The following RAB9B variants were observed in gnomAD, a reference collection of about 807,000 sequenced individuals.
The protein encoded by RAB9B is ras-related protein Rab-9B.
A neutral mutation model predicts 8.9 loss-of-function variants in RAB9B; 1 was observed. That is an observed-to-expected ratio of 0.11 (90% CI 0.04 to 0.53). The LOEUF is 0.53. Ranked by LOEUF, RAB9B falls within the 20% of genes least tolerant of loss-of-function variation. The pLI, the probability that RAB9B is intolerant of heterozygous loss-of-function variation, is 0.93. For synonymous variants in RAB9B, 63 were observed against 57.0 expected, an observed-to-expected ratio of 1.10 and a Z score of -0.47; for missense variants, 82 against 152.9, an observed-to-expected ratio of 0.54 and a Z score of 2.45.
chrX:103,820,641 C>A (rs771351551), downstream of RAB9B, among the ~76,000 whole-genome samples: 183 of 111,061 alleles, frequency 1.6e-3, no homozygotes, highest in Non-Finnish European at 2.7e-3. Flanking sequence ...AGGAAGTTGG[C>A]ATTCTGTTTT....
chrX:103,782,104 A>G, the RAB9B span, among the ~76,000 whole-genome samples: 1,100 of 112,624 alleles, frequency 9.8e-3, 11 homozygotes, highest in African/African-American at 0.033. Context: ...TTTCTCAGTT[A>G]GAATCTAAAA....
At chrX:103,815,624 GA>G in the RAB9B span, among the ~76,000 whole-genome samples, 2 of 112,038 alleles carry the variant, frequency 1.8e-5, no homozygotes, top group African/African-American at 6.5e-5. Context: ...ATTCAAATAG[GA>G]AGAGAGGAAG....
At chrX:103,776,652 G>A in the RAB9B span, 2 of 261,697 alleles carry the variant, frequency 7.6e-6, no homozygotes, top group South Asian at 2.3e-4. Flanking sequence ...TTCCAGGCAA[G>A]CCTTAGGGAA....
At chrX:103,787,247 A>G in the RAB9B span, among the ~76,000 whole-genome samples, 1 of 112,044 alleles carries the variant, frequency 8.9e-6, no homozygotes, top group African/African-American at 3.3e-5. Flanking sequence ...CCTGAGGGTT[A>G]TCCATGCTTT....
the RAB9B span, chrX:103,786,620 C>T: frequency 8.3e-6 from 10 of 1,211,204 alleles, no homozygotes; most frequent in Non-Finnish European, 1.0e-5. Context: ...CTGAGCGCAA[C>T]GGTAACAGGG....
the RAB9B span, among the ~76,000 whole-genome samples, chrX:103,799,562 G>A: frequency 8.9e-6 from 1 of 111,751 alleles, no homozygotes; most frequent in Non-Finnish European, 1.9e-5. Context: ...TTTTGAGGGT[G>A]GAAATCTCTT....
At chrX:103,790,691 A>G in the RAB9B span, 2 of 657,916 alleles carry the variant, frequency 3.0e-6, no homozygotes, top group Non-Finnish European at 2.6e-6. Flanking sequence ...TGCCTTTGCC[A>G]CCAACTGGCC....
the RAB9B span, among the ~76,000 whole-genome samples, chrX:103,801,374 T>G: frequency 9.0e-6 from 1 of 110,976 alleles, no homozygotes; most frequent in Non-Finnish European, 1.9e-5. Flanking sequence ...TCCTGCCAAG[T>G]GGTGACAGGC....
the RAB9B span, among the ~76,000 whole-genome samples, chrX:103,816,029 C>G: frequency 2.7e-5 from 3 of 111,768 alleles, no homozygotes; most frequent in Non-Finnish European, 1.9e-5. Flanking sequence ...AGATTCGATG[C>G]TATCCCCATC....
intron 1 of RAB9B, 71 bp downstream of exon 1, chrX:103,831,989 C>G (rs2074705995): frequency 1.8e-5 from 2 of 112,342 alleles, no homozygotes; most frequent in African/African-American, 6.5e-5. Flanking sequence ...TTCTCACAGG[C>G]CCCCCACCTC....
Position 103,825,113 on chromosome X carries a change from G to A in RAB9B, c.*66C>T. 4 of 1,118,678 alleles carry A rather than the reference G, an allele frequency of 3.6e-6. No individual in the cohort carries two copies. The South Asian group carries it at 8.4e-5, about 24-fold the overall frequency. The allele number at this position is 1,118,678 out of a possible 1,213,427, so 92.2% of individuals were successfully genotyped here. ...TGTGCGTGTGTGTGCACTCTTAGAG[G>A]GGCACAGTTATTCTTACACTACTGA... On this transcript the variant is annotated 3_prime_UTR_variant, in exon 3 of 3. Coordinates refer to ENST00000243298, the MANE Select transcript of RAB9B (RefSeq NM_016370.4).
At chrX:103,786,618 A>G in the RAB9B span, 5 of 1,211,793 alleles carry the variant, frequency 4.1e-6, no homozygotes, top group Admixed American at 1.1e-4. Context: ...GCCTGAGCGC[A>G]ACGGTAACAG....
At chrX:103,805,962 ACAGGGTCTCACTCTGTCACC>A in the RAB9B span, among the ~76,000 whole-genome samples, 2 of 110,969 alleles carry the variant, frequency 1.8e-5, no homozygotes, top group Non-Finnish European at 3.8e-5. Flanking sequence ...CTTTTGAGAA[ACAGGGTCTCACTCTGTCACC>A]CAGGCTAGAG....
chrX:103,814,184 G>A, the RAB9B span, among the ~76,000 whole-genome samples: 2 of 111,461 alleles, frequency 1.8e-5, no homozygotes, highest in South Asian at 7.6e-4. Flanking sequence ...CACATAATTG[G>A]AAGTAAAAGA....
At chrX:103,802,370 C>T in the RAB9B span, among the ~76,000 whole-genome samples, 107 of 110,954 alleles carry the variant, frequency 9.6e-4, no homozygotes, top group African/African-American at 3.2e-3. Flanking sequence ...TCTCAGCCAC[C>T]TGAGGTTCAA....
chrX:103,828,650 A>G (rs1266389951), intron 1 of RAB9B, among the ~76,000 whole-genome samples: 1 of 112,087 alleles, frequency 8.9e-6, no homozygotes, highest in Admixed American at 9.5e-5. Context: ...CCAGTTGCAG[A>G]TAAACTCAAT....
Position 103,828,147 on chromosome X carries a change from C to T in RAB9B, c.-116-1069G>A, listed in dbSNP as rs146655433. On this transcript the variant is annotated intron_variant, in intron 1 of 2. Transcript: ENST00000243298. Reference sequence around the variant, plus strand: ...AGTGTTATTTCTTACTGAGGAAGAACGAAGCTTTAAAAAAAAATCTGCTGC... The same window carrying T: ...AGTGTTATTTCTTACTGAGGAAGAATGAAGCTTTAAAAAAAAATCTGCTGC... 3.5e-3 allele frequency among the ~76,000 whole-genome samples: 391 copies of T among 111,105 alleles called. 1 individual carries two copies. The highest frequency in any genetic ancestry group is 0.012 in the African/African-American group (368 of 30,591).
At chrX:103,777,606 A>G in the RAB9B span, among the ~76,000 whole-genome samples, 212 of 112,041 alleles carry the variant, frequency 1.9e-3, 2 homozygotes, top group East Asian at 0.021. Flanking sequence ...ATGTGTGTGC[A>G]CATATAGGGT....
chrX:103,796,831 C>T, the RAB9B span, among the ~76,000 whole-genome samples: 6 of 74,364 alleles, frequency 8.1e-5, no homozygotes, highest in East Asian at 2.1e-3. Flanking sequence ...GGCCACAAAG[C>T]GAGACACCGC....
Sources: gnomAD v4.1 joint callset for allele counts (sites outside exome capture counted in the v4.1 genomes callset) on GRCh38, gnomAD v4.1.1 for gene constraint, MANE v1.5 for transcripts, NCBI Gene and HGNC (gene_info 2026-07-23, HGNC 2026-07-21) for gene names.